Variants in EYS observed in about 807,000 individuals in gnomAD.
The protein encoded by EYS is EGF-like photoreceptor maintenance factor, also known as protein eyes shut homolog.
A neutral mutation model predicts 282.1 loss-of-function variants in EYS; 250 were observed. The ratio of observed to expected loss-of-function variants is 0.89; its 90% CI spans 0.80 to 0.98. The LOEUF (loss-of-function observed/expected upper bound fraction) is 0.98, where lower values mean the gene tolerates loss of function less well. Among genes scored for constraint, EYS ranks in the 50% least tolerant of loss-of-function variants. The pLI is 0.00. For synonymous variants in EYS, 1,355 were observed against 1,282.9 expected (o/e 1.06, Z -1.20); for missense variants, 4,016 against 3,709.0 (o/e 1.08, Z -2.15).
chr6:64,404,880 G>A (rs984472177), intron 28 of EYS, among the ~76,000 whole-genome samples: 1 of 152,152 alleles, frequency 6.6e-6, no homozygotes, highest in African/African-American at 2.4e-5. Context: ...AAATCCTGAA[G>A]AATTGATGCA....
intron 30 of EYS, among the ~76,000 whole-genome samples, chr6:64,254,384 A>C (rs1318259268): frequency 6.6e-6 from 1 of 152,118 alleles, no homozygotes; most frequent in Non-Finnish European, 1.5e-5. Context: ...GTCAATTTCT[A>C]GCTTGCTCCT....
intron 31 of EYS, among the ~76,000 whole-genome samples, chr6:64,113,452 A>G (rs2150267983): frequency 6.6e-6 from 1 of 152,244 alleles, no homozygotes; most frequent in Non-Finnish European, 1.5e-5. Context: ...AAATAACTAT[A>G]TTTGTCTCTA....
Position 63,957,872 on chromosome 6 carries a change from C to A in EYS, c.7055+26511G>T, listed in dbSNP as rs1471686464. 1.4e-5 allele frequency among the ~76,000 whole-genome samples: 2 copies of A among 140,530 alleles called. 1 individual carries two copies. Among genetic ancestry groups the A allele is most frequent in the Non-Finnish European group, 3.2e-5 (2 of 61,858 alleles). 92.2% of individuals were successfully genotyped at this position (140,530 alleles called of 152,430 possible). ...GTAAAGAAACAAGGTCAGTTGAAGG[C>A]CATCATATTGACAACATACATTTTC... On this transcript the variant is annotated intron_variant, in intron 35 of 42. Coordinates refer to ENST00000503581, the MANE Select transcript of EYS (RefSeq NM_001142800.2).
intron 22 of EYS, among the ~76,000 whole-genome samples, chr6:64,686,673 G>T (rs997338376): frequency 8.8e-5 from 13 of 147,050 alleles, no homozygotes; most frequent in Non-Finnish European, 1.5e-4. Flanking sequence ...TCCAGGAAGC[G>T]GGAGCTTGCA....
chr6:64,407,012 C>A (rs1303889066), intron 28 of EYS, among the ~76,000 whole-genome samples: 1 of 152,126 alleles, frequency 6.6e-6, no homozygotes, highest in South Asian at 2.1e-4. Context: ...ATGTTCATTG[C>A]AGAACTGTTC....
intron 35 of EYS, among the ~76,000 whole-genome samples, chr6:63,929,712 A>G (rs1193927973): frequency 6.6e-6 from 1 of 152,178 alleles, no homozygotes; most frequent in African/African-American, 2.4e-5. Context: ...AGTAGAATAG[A>G]AAGACTCATA....
At chr6:64,303,326 C>T (rs1239580683) in intron 30 of EYS, among the ~76,000 whole-genome samples, 1 of 152,180 alleles carries the variant, frequency 6.6e-6, no homozygotes, top group East Asian at 1.9e-4. Flanking sequence ...TAATAATACT[C>T]ATGTTTGTCT....
chr6:65,561,168 T>C lies in EYS; in HGVS notation c.-332-65175A>G, dbSNP rs139116230. On this transcript the variant is annotated intron_variant, in intron 2 of 42. Coordinates refer to ENST00000503581, the MANE Select transcript of EYS (RefSeq NM_001142800.2). ...AACTTTGCCCCCAGTGGCATTTATTTTTCTACAGGCAAGTTGGGACCCACA... is the reference window on the plus strand; with the variant it reads ...AACTTTGCCCCCAGTGGCATTTATTCTTCTACAGGCAAGTTGGGACCCACA... 1.8e-4 allele frequency among the ~76,000 whole-genome samples: 28 copies of C among 152,270 alleles called. No homozygotes were observed. The East Asian group carries it at 5.2e-3, about 28-fold the overall frequency.
At chr6:63,995,327 A>G (rs1202228726) in intron 34 of EYS, among the ~76,000 whole-genome samples, 1 of 152,082 alleles carries the variant, frequency 6.6e-6, no homozygotes, top group Non-Finnish European at 1.5e-5. Context: ...ATCATCAGGG[A>G]AATGCAAATC....
chr6:64,798,530 T>C (rs1774430953), intron 22 of EYS, among the ~76,000 whole-genome samples: 1 of 151,182 alleles, frequency 6.6e-6, no homozygotes, highest in African/African-American at 2.4e-5. Flanking sequence ...TCTGTGCATA[T>C]TAATTCTAAA....
intron 31 of EYS, among the ~76,000 whole-genome samples, chr6:64,168,999 C>G (rs1764390160): frequency 6.6e-6 from 1 of 152,086 alleles, no homozygotes; most frequent in African/African-American, 2.4e-5. Flanking sequence ...TTTAACATTT[C>G]TAGAATTCCA....
chr6:65,077,284 T>C (rs1442040599), intron 12 of EYS, among the ~76,000 whole-genome samples: 1 of 152,076 alleles, frequency 6.6e-6, no homozygotes. Context: ...ATGTTTTTAC[T>C]CAAAGTATGC....
At chr6:64,627,980 T>TG (rs1341083402) in intron 22 of EYS, among the ~76,000 whole-genome samples, 2 of 152,138 alleles carry the variant, frequency 1.3e-5, no homozygotes, top group African/African-American at 4.8e-5. Context: ...CTCAGGAGGC[T>TG]GAGGCAGGAG....
At chr6:64,317,607 G>A (rs568799507) in intron 29 of EYS, among the ~76,000 whole-genome samples, 1 of 152,214 alleles carries the variant, frequency 6.6e-6, no homozygotes, top group Admixed American at 6.5e-5. Flanking sequence ...CAACCATTGT[G>A]GAAGACAGTG....
chr6:64,236,804 T>C (rs1470145313), intron 30 of EYS, among the ~76,000 whole-genome samples: 3 of 151,386 alleles, frequency 2.0e-5, no homozygotes, highest in African/African-American at 4.8e-5. Flanking sequence ...TGTATATATT[T>C]ATTATACTTT....
rs749650182 is a variant in EYS at position 63,806,249 on chromosome 6, G to A, written c.7352C>T (p.Ala2451Val). 52 of 1,551,474 alleles carry A rather than the reference G, an allele frequency of 3.4e-5. No homozygotes were observed. The highest frequency in any genetic ancestry group is 7.8e-6 in the Non-Finnish European group (9 of 1,146,916). ...ATTTTGCAGTGCTGAGTGGTTGTTTGCCAGCTGAAACTTCAGGTGGAATTC... is the reference window on the plus strand; with the variant it reads ...ATTTTGCAGTGCTGAGTGGTTGTTTACCAGCTGAAACTTCAGGTGGAATTC... ...HYEFHLKFQL[A>V]NNHSALQNNL... The change falls in exon 37 of 43, where the codon GCA becomes GTA. Residue 2451 changes from alanine (A) to valine (V), a missense_variant. By Grantham distance (64) the Ala-to-Val change is moderately conservative. Transcript: ENST00000503581.
chr6:63,984,293 G>A (rs140206939), intron 35 of EYS, 90 bp downstream of exon 35: 312 of 864,272 alleles, frequency 3.6e-4, no homozygotes, highest in African/African-American at 2.0e-3. Flanking sequence ...TGTCATTTTC[G>A]TCTCTCAGAG....
chr6:65,395,796 T>A (rs1766258523), intron 7 of EYS, among the ~76,000 whole-genome samples: 1 of 152,184 alleles, frequency 6.6e-6, no homozygotes, highest in Non-Finnish European at 1.5e-5. Context: ...TGGAAACATT[T>A]CAAGTTCTCC....
At chr6:65,554,913 C>T (rs1161282600) in intron 2 of EYS, among the ~76,000 whole-genome samples, 1 of 151,918 alleles carries the variant, frequency 6.6e-6, no homozygotes, top group Non-Finnish European at 1.5e-5. Context: ...TATTTCACTA[C>T]AAAACTCTTA....
Sources: allele counts gnomAD v4.1 joint callset (sites outside exome capture counted in the v4.1 genomes callset), GRCh38; gene constraint gnomAD v4.1.1; transcripts MANE v1.5; gene names NCBI Gene and HGNC (gene_info 2026-07-23, HGNC 2026-07-21).